The following SPOCK1 variants were observed in gnomAD, a reference collection of about 807,000 sequenced individuals.
SPOCK1 encodes the protein testican-1.
In SPOCK1, 23 loss-of-function variants were observed where a neutral mutation model predicts 55.3. That is an observed-to-expected ratio of 0.42 (90% confidence interval 0.30 to 0.59). The LOEUF is 0.59. Among genes scored for constraint, SPOCK1 ranks in the 20% least tolerant of loss-of-function variants. The probability of loss-of-function intolerance (pLI) is 0.22; values close to 1 mark genes in which losing one functional copy is unlikely to be tolerated. For missense variants in SPOCK1, 499 were observed against 552.5 expected (o/e 0.90, Z 0.97); for synonymous variants, 226 against 221.0 (o/e 1.02, Z -0.20).
intron 2 of SPOCK1, among the ~76,000 whole-genome samples, chr5:137,388,384 G>A (rs1012985818): frequency 2.0e-5 from 3 of 151,698 alleles, no homozygotes; most frequent in African/African-American, 7.3e-5. Context: ...GCATCTCCAG[G>A]GTAAGGGGTA....
intron 2 of SPOCK1, among the ~76,000 whole-genome samples, chr5:137,404,410 CTTTT>C (rs67369576): frequency 1.7e-5 from 2 of 117,398 alleles, no homozygotes. Context: ...TTCAAAATGA[CTTTT>C]TTTTTTTTTT....
intron 6 of SPOCK1, among the ~76,000 whole-genome samples, chr5:137,027,240 G>T (rs573631247): frequency 7.9e-5 from 12 of 152,168 alleles, no homozygotes; most frequent in Non-Finnish European, 8.8e-5. Flanking sequence ...TTGATTTTTT[G>T]TTAGGGGGAA....
intron 2 of SPOCK1, among the ~76,000 whole-genome samples, chr5:137,372,161 G>GA (rs1751215650): frequency 6.6e-6 from 1 of 152,170 alleles, no homozygotes. Context: ...CTGCTGAGTA[G>GA]CCACATGAGC....
chr5:137,045,304 T>A (rs1460456159), intron 6 of SPOCK1, among the ~76,000 whole-genome samples: 1 of 52,476 alleles, frequency 1.9e-5, no homozygotes, highest in East Asian at 7.3e-4. Context: ...CTCCAGCACC[T>A]GTTGTTTCCT....
intron 2 of SPOCK1, among the ~76,000 whole-genome samples, chr5:137,396,250 T>C (rs969888711): frequency 1.3e-5 from 2 of 152,180 alleles, no homozygotes; most frequent in African/African-American, 4.8e-5. Flanking sequence ...TAACGAGAAG[T>C]AACATAGAAA....
chr5:137,492,273 G>A (rs763059681), intron 2 of SPOCK1, among the ~76,000 whole-genome samples: 30 of 152,274 alleles, frequency 2.0e-4, no homozygotes, highest in Non-Finnish European at 2.2e-4. Context: ...GGTGCCTAAC[G>A]CCGGGAAATC....
intron 6 of SPOCK1, among the ~76,000 whole-genome samples, chr5:137,036,263 T>A (rs1751881886): frequency 6.8e-6 from 1 of 147,622 alleles, no homozygotes; most frequent in Non-Finnish European, 1.5e-5. Flanking sequence ...GTTGATCACA[T>A]AGTTCTGGAT....
rs189201823 is a variant in SPOCK1, at chr5:137,355,997, G to A, written c.187-88942C>T. 4.4e-3 allele frequency among the ~76,000 whole-genome samples: 670 copies of A among 152,258 alleles called. 2 individuals are homozygous for A. Among genetic ancestry groups the A allele is most frequent in the Admixed American group, 8.4e-3 (128 of 15,290 alleles). ...GGGGAGAGGCTCAGTTCTTCCAGCC[G>A]TCACTTCCACTACCCTCCTGTTGGA... On this transcript the variant is annotated intron_variant, in intron 2 of 10. Transcript: ENST00000394945.
rs1287155190 is a variant in SPOCK1, at chr5:137,158,618, C to G, written c.233-17924G>C. ...CACCACAGCCCACAGAAAGCTGCTC[C>G]CTGGAGATGAAAAATACTATGTATA... On this transcript the variant is annotated intron_variant, in intron 3 of 10. Transcript: ENST00000394945. 2.0e-5 allele frequency among the ~76,000 whole-genome samples: 3 copies of G among 152,088 alleles called. No individual in the cohort carries two copies. The East Asian group carries it at 5.8e-4, about 29-fold the overall frequency.
Position 137,478,197 on chromosome 5 carries a change from G to A in SPOCK1, c.186+20176C>T, listed in dbSNP as rs192588349. ...CATGCATGGGAGGATGGATAAACAC[G>A]AGGAAAATGGTGACAAGGCCATCTT... is the stretch of plus-strand genomic sequence containing the variant. On this transcript the variant is annotated intron_variant, in intron 2 of 10. Coordinates refer to ENST00000394945, the MANE Select transcript of SPOCK1 (RefSeq NM_004598.4). Among the ~76,000 whole-genome samples the A allele has an allele frequency of 1.5e-3, 226 of 152,224 alleles. 1 individual carries two copies. The highest frequency in any genetic ancestry group is 4.7e-3 in the African/African-American group (197 of 41,546).
chr5:137,349,169 G>A (rs1750625155), intron 2 of SPOCK1, among the ~76,000 whole-genome samples: 1 of 152,186 alleles, frequency 6.6e-6, no homozygotes, highest in Admixed American at 6.5e-5. Context: ...CTTCCCCATG[G>A]CTGCAAGAAC....
At chr5:137,220,206 T>C (rs1755818138) in intron 3 of SPOCK1, among the ~76,000 whole-genome samples, 1 of 152,176 alleles carries the variant, frequency 6.6e-6, no homozygotes, top group African/African-American at 2.4e-5. Flanking sequence ...CTCAAAATCA[T>C]GTCCTCCACA....
At chr5:137,159,561 G>A (rs886376362) in intron 3 of SPOCK1, among the ~76,000 whole-genome samples, 2 of 147,222 alleles carry the variant, frequency 1.4e-5, no homozygotes, top group African/African-American at 5.1e-5. Context: ...CCATAGCTTA[G>A]CTCCCACTTA....
intron 3 of SPOCK1, among the ~76,000 whole-genome samples, chr5:137,212,624 A>G (rs1471659655): frequency 6.6e-6 from 1 of 152,234 alleles, no homozygotes; most frequent in Non-Finnish European, 1.5e-5. Context: ...TATCTTGGTC[A>G]GGTGAGAAGC....
chr5:137,418,596 A>G lies in SPOCK1; in HGVS notation c.186+79777T>C, dbSNP rs551471664. On this transcript the variant is annotated intron_variant, in intron 2 of 10. Transcript: ENST00000394945. ...TTTCATGTGTCTTTTGGCTGCATGA[A>G]TGTCTTTTTTTGAGAAGTGTCTGTT... 2.0e-5 allele frequency among the ~76,000 whole-genome samples: 3 copies of G among 152,312 alleles called. No homozygotes were observed. The South Asian group carries it at 6.2e-4, about 32-fold the overall frequency.
At chr5:137,191,537 A>T (rs538727924) in intron 3 of SPOCK1, among the ~76,000 whole-genome samples, 1 of 152,224 alleles carries the variant, frequency 6.6e-6, no homozygotes, top group Non-Finnish European at 1.5e-5. Context: ...TTCATCCAGT[A>T]CCTCAAAACC....
intron 6 of SPOCK1, among the ~76,000 whole-genome samples, chr5:137,056,622 G>A (rs1446335557): frequency 6.6e-6 from 1 of 150,562 alleles, no homozygotes; most frequent in Admixed American, 6.6e-5. Context: ...TAGTTTTTTT[G>A]CAAGTCATTT....
intron 5 of SPOCK1, among the ~76,000 whole-genome samples, chr5:137,109,622 T>C (rs1486054383): frequency 6.6e-6 from 1 of 152,220 alleles, no homozygotes; most frequent in Non-Finnish European, 1.5e-5. Context: ...GCTGGCTAAG[T>C]GTCCCTGCTT....
chr5:137,148,993 G>GA (rs1206624912), intron 3 of SPOCK1, among the ~76,000 whole-genome samples: 4 of 151,112 alleles, frequency 2.6e-5, no homozygotes, highest in African/African-American at 4.9e-5. Flanking sequence ...GACTTCCTGT[G>GA]AAAAAAAAAG....
Sources: gnomAD v4.1 joint callset for allele counts (sites outside exome capture counted in the v4.1 genomes callset) on GRCh38, gnomAD v4.1.1 for gene constraint, MANE v1.5 for transcripts, NCBI Gene and HGNC (gene_info 2026-07-23, HGNC 2026-07-21) for gene names.